The following DOCK2 variants were observed in gnomAD, a reference collection of about 807,000 sequenced individuals.
The protein encoded by DOCK2 is dedicator of cytokinesis 2, also known as dedicator of cytokinesis protein 2.
Under a neutral mutation model 248.9 loss-of-function variants are expected in DOCK2, and 87 were observed. The observed-to-expected ratio is 0.35, with a 90% CI of 0.29 to 0.42. DOCK2 has a LOEUF of 0.42. Ranked by LOEUF, DOCK2 falls within the 10% of genes least tolerant of loss-of-function variation. The probability of loss-of-function intolerance (pLI) is 1.00; values close to 1 mark genes in which losing one functional copy is unlikely to be tolerated. For missense variants in DOCK2, 1,747 were observed against 2,300.2 expected (o/e 0.76, Z 4.92); for synonymous variants, 805 against 821.6 (o/e 0.98, Z 0.35).
intron 25 of DOCK2, among the ~76,000 whole-genome samples, chr5:169,783,873 G>A (rs952315205): frequency 6.6e-6 from 1 of 152,144 alleles, no homozygotes; most frequent in Non-Finnish European, 1.5e-5. Context: ...TTTAACTATT[G>A]ATGTATTTGT....
chr5:169,741,941 C>G (rs1476470374), intron 22 of DOCK2, among the ~76,000 whole-genome samples: 1 of 151,388 alleles, frequency 6.6e-6, no homozygotes, highest in Non-Finnish European at 1.5e-5. Context: ...TCCCAAGTAG[C>G]TGAGACTACA....
intron 36 of DOCK2, among the ~76,000 whole-genome samples, chr5:170,040,077 A>G (rs1184377242): frequency 6.6e-6 from 1 of 152,194 alleles, no homozygotes; most frequent in Non-Finnish European, 1.5e-5. Flanking sequence ...AATCACTTTC[A>G]GTGCATACTT....
At chr5:169,841,263 C>A (rs931323589) in intron 27 of DOCK2, 3 of 874,682 alleles carry the variant, frequency 3.4e-6, no homozygotes, top group South Asian at 9.0e-5. Context: ...GGCTTCATTG[C>A]GTGTTAATTC....
At chr5:169,768,470 A>T (rs1423259851) in intron 25 of DOCK2, among the ~76,000 whole-genome samples, 1 of 152,212 alleles carries the variant, frequency 6.6e-6, no homozygotes, top group Non-Finnish European at 1.5e-5. Flanking sequence ...GTGCCTCACC[A>T]TTCCTCCTGA....
chr5:169,795,461 G>A (rs536046222), intron 25 of DOCK2, among the ~76,000 whole-genome samples: 5 of 152,300 alleles, frequency 3.3e-5, no homozygotes, highest in African/African-American at 7.2e-5. Context: ...GTGTTGTAAT[G>A]AGGCATGTTT....
intron 3 of DOCK2, among the ~76,000 whole-genome samples, chr5:169,669,721 G>A (rs540521468): frequency 6.6e-6 from 1 of 152,176 alleles, no homozygotes; most frequent in Non-Finnish European, 1.5e-5. Context: ...GGACAGGCCT[G>A]ATTTCTACTT....
chr5:169,751,274 T>C (rs90213), intron 23 of DOCK2, among the ~76,000 whole-genome samples: 48,848 of 152,058 alleles, frequency 0.32, 11,296 homozygotes, highest in African/African-American at 0.64. Flanking sequence ...AGTGTTAGGA[T>C]GTTCAGTTAT....
At chr5:169,810,979 T>TCACACACACA (rs1462836121) in intron 26 of DOCK2, among the ~76,000 whole-genome samples, 3 of 136,298 alleles carry the variant, frequency 2.2e-5, no homozygotes, top group African/African-American at 9.5e-5. Flanking sequence ...AGACTCTCTC[T>TCACACACACA]CTCTCTCTCT....
intron 2 of DOCK2, among the ~76,000 whole-genome samples, chr5:169,668,803 C>T (rs895277878): frequency 2.0e-5 from 3 of 152,190 alleles, no homozygotes; most frequent in African/African-American, 7.2e-5. Context: ...ATTTTAGACA[C>T]TATTTGCTGC....
At chr5:169,876,667 C>T (rs1190392976) in intron 27 of DOCK2, among the ~76,000 whole-genome samples, 5 of 152,224 alleles carry the variant, frequency 3.3e-5, no homozygotes, top group African/African-American at 7.2e-5. Context: ...TGGCAACCTA[C>T]GGGCTTACAT....
In DOCK2 at chr5:169,714,347, G is replaced by A. The variant is rs1318165014; in HGVS notation, c.1844-13G>A. 2 of 1,613,914 alleles carry A rather than the reference G, an allele frequency of 1.2e-6. No individual in the cohort carries two copies. Among genetic ancestry groups the A allele is most frequent in the Admixed American group, 1.7e-5 (1 of 59,992 alleles). On this transcript the variant is annotated splice_polypyrimidine_tract_variant and intron_variant, in intron 18 of 51. Transcript: ENST00000520908. ...CAGTAATGATACTTCTGAATGTCTG[G>A]ACTCTATTTTAGTGGGCTTGCTGGG...
At chr5:169,903,492 A>C (rs576546311) in intron 27 of DOCK2, among the ~76,000 whole-genome samples, 1 of 135,982 alleles carries the variant, frequency 7.4e-6, no homozygotes, top group Admixed American at 7.4e-5. Flanking sequence ...AGGGTTGTCT[A>C]TTGTGAGCTT....
chr5:169,925,172 G>C (rs1775368244), intron 27 of DOCK2, among the ~76,000 whole-genome samples: 2 of 152,168 alleles, frequency 1.3e-5, no homozygotes, highest in African/African-American at 4.8e-5. Context: ...GGGGAAAGGG[G>C]ACTCTGTAGT....
At chr5:169,680,218 C>T (rs1759584235) in intron 6 of DOCK2, among the ~76,000 whole-genome samples, 1 of 152,188 alleles carries the variant, frequency 6.6e-6, no homozygotes, top group African/African-American at 2.4e-5. Context: ...TCAGTCTTTT[C>T]TTCATTTGTA....
At chr5:169,881,373 T>A (rs1321617458) in intron 27 of DOCK2, 1 of 1,551,462 alleles carries the variant, frequency 6.4e-7, no homozygotes, top group Non-Finnish European at 8.7e-7. Context: ...GGTACCTGTA[T>A]ATGATGCACG....
intron 8 of DOCK2, among the ~76,000 whole-genome samples, chr5:169,686,519 T>C (rs1759993001): frequency 6.6e-6 from 1 of 151,688 alleles, no homozygotes; most frequent in Non-Finnish European, 1.5e-5. Flanking sequence ...CCAGCAATTG[T>C]GAAAAGAGGA....
intron 25 of DOCK2, among the ~76,000 whole-genome samples, chr5:169,798,249 T>G (rs892938804): frequency 1.1e-4 from 16 of 152,222 alleles, no homozygotes; most frequent in African/African-American, 3.9e-4. Context: ...TCCTAGAATT[T>G]TGCATGTGGC....
chr5:169,898,934 G>A (rs1342006226), intron 27 of DOCK2, among the ~76,000 whole-genome samples: 2 of 152,142 alleles, frequency 1.3e-5, no homozygotes, highest in Admixed American at 6.5e-5. Flanking sequence ...AGCAAAAGGT[G>A]GTAGAATGGT....
In DOCK2 at chr5:170,008,704, C is replaced by T. The variant is rs772417044; in HGVS notation, c.3190C>T (p.Arg1064Trp). ...TCCTCCTAGGTATGGGGACATGAGA[C>T]GGCTAATTGGCTTCTCCATCCGTGA... ...KILNKYGDMR[R>W]LIGFSIRDMW... is the part of the protein sequence containing the mutation. Residue 1064 changes from arginine to tryptophan, a missense_variant, in exon 32 of 52, where the codon CGG (arginine) becomes TGG (tryptophan). By Grantham distance (101) the Arg-to-Trp change is moderately radical. Around this residue, in one of 4 missense-constraint regions of DOCK2, gnomAD observed 858 missense variants for 1,183.5 expected, o/e 0.72. Coordinates refer to ENST00000520908, the MANE Select transcript of DOCK2 (RefSeq NM_004946.3). The T allele has an allele frequency of 4.1e-5, 66 of 1,613,864 alleles. No individual in the cohort carries two copies. The highest frequency in any genetic ancestry group is 1.6e-4 in the Middle Eastern group (1 of 6,084).
Sources: gnomAD v4.1 joint callset for allele counts (sites outside exome capture counted in the v4.1 genomes callset) on GRCh38, gnomAD v4.1.1 for gene constraint, gnomAD v4.1.1 regional missense constraint, MANE v1.5 for transcripts, NCBI Gene and HGNC (gene_info 2026-07-23, HGNC 2026-07-21) for gene names.